The following GRK4 variants were observed in gnomAD, a reference collection of about 807,000 sequenced individuals.
GRK4 encodes G protein-coupled receptor kinase 2-like.
A neutral mutation model predicts 77.9 loss-of-function variants in GRK4; 73 were observed. The ratio of observed to expected loss-of-function variants is 0.94; its 90% confidence interval spans 0.78 to 1.14. The LOEUF (loss-of-function observed/expected upper bound fraction) is 1.14, where lower values mean the gene tolerates loss of function less well. Among genes scored for constraint, GRK4 ranks in the 50% most tolerant of loss-of-function variants. The probability of loss-of-function intolerance (pLI) is 0.00; values close to 1 mark genes in which losing one functional copy is unlikely to be tolerated. For missense variants in GRK4, 729 were observed against 700.2 expected, an observed-to-expected ratio of 1.04 and a Z score of -0.46; for synonymous variants, 257 against 254.4, an observed-to-expected ratio of 1.01 and a Z score of -0.10.
chr4:3,016,890 T>C (rs934849846), intron 8 of GRK4, among the ~76,000 whole-genome samples: 3 of 152,218 alleles, frequency 2.0e-5, no homozygotes, highest in Non-Finnish European at 2.9e-5. Context: ...AGAGACATTT[T>C]TCTCCTTCCC....
chr4:2,969,236 T>TA (rs1718709489), intron 1 of GRK4: 1 of 152,170 alleles, frequency 6.6e-6, no homozygotes, highest in Admixed American at 6.6e-5. Flanking sequence ...CTGAGGAAAT[T>TA]AAAAGACTGC....
At position 3,037,271 on chromosome 4, in the gene GRK4, C is replaced by T. The variant is rs531346989; in HGVS notation, c.1408-103C>T. 5.2e-5 allele frequency: 57 copies of T among 1,095,270 alleles called. No homozygotes were observed. The South Asian group carries it at 8.2e-4, about 16-fold the overall frequency. The allele number at this position is 1,095,270 out of a possible 1,614,324, so 67.8% of individuals were successfully genotyped here. The stretch of plus-strand genomic sequence containing the variant: ...AAAAGAATGGAGACAGGGAGAGTGG[C>T]GGTGTTTATGCGTCAGTTTGCTGGG... On this transcript the variant is annotated intron_variant, in intron 13 of 15. Coordinates refer to ENST00000398052, the MANE Select transcript of GRK4 (RefSeq NM_182982.3).
At chr4:3,022,341 G>A in intron 9 of GRK4, 73 bp from the exon 10 acceptor site, 1 of 1,469,610 alleles carries the variant, frequency 6.8e-7, no homozygotes. Flanking sequence ...CACGCTGGTT[G>A]TTCCTACTGG....
chr4:3,018,810 C>T (rs1326644211), intron 8 of GRK4, among the ~76,000 whole-genome samples: 2 of 151,988 alleles, frequency 1.3e-5, no homozygotes, highest in Non-Finnish European at 2.9e-5. Context: ...ACCTGGGAGA[C>T]AGAGGTTGCA....
chr4:2,969,379 C>CTTTACT (rs1718766890), intron 1 of GRK4: 2 of 139,008 alleles, frequency 1.4e-5, no homozygotes, highest in African/African-American at 5.4e-5. Flanking sequence ...TCTTTCTTTT[C>CTTTACT]TTTTTTTTTT....
At chr4:2,968,596 A>G (rs1016209762) in intron 1 of GRK4, among the ~76,000 whole-genome samples, 1 of 152,168 alleles carries the variant, frequency 6.6e-6, no homozygotes, top group African/African-American at 2.4e-5. Flanking sequence ...TCCTATAGCA[A>G]TAAACAACAT....
At chr4:3,008,906 G>GC (rs202047958) in intron 6 of GRK4, among the ~76,000 whole-genome samples, 224 of 152,172 alleles carry the variant, frequency 1.5e-3, no homozygotes, top group African/African-American at 5.0e-3. Context: ...TGTTTTTGAG[G>GC]CGCTGGGTAT....
intron 1 of GRK4, among the ~76,000 whole-genome samples, chr4:2,968,229 CTT>C (rs1718381085): frequency 6.6e-6 from 1 of 152,026 alleles, no homozygotes; most frequent in Non-Finnish European, 1.5e-5. Flanking sequence ...CGTCTTATCT[CTT>C]GGAGAAATTG....
chr4:3,040,432 CTA>C (rs1742078396), intron 15 of GRK4, 138 bp from the exon 16 acceptor site: 1 of 612,008 alleles, frequency 1.6e-6, no homozygotes, highest in African/African-American at 1.9e-5. Flanking sequence ...CAGAGTGAGA[CTA>C]TGTCTCAAAA....
intron 8 of GRK4, among the ~76,000 whole-genome samples, chr4:3,018,739 G>A (rs187328697): frequency 1.1e-3 from 160 of 152,156 alleles, no homozygotes; most frequent in African/African-American, 3.7e-3. Flanking sequence ...TTAGCCGGGC[G>A]TGGTGACAGG....
At chr4:2,999,889 G>T (rs1210297157) in intron 4 of GRK4, among the ~76,000 whole-genome samples, 1 of 151,898 alleles carries the variant, frequency 6.6e-6, no homozygotes, top group Non-Finnish European at 1.5e-5. Flanking sequence ...TACTGGTAAG[G>T]GTCTAGTATC....
At chr4:3,028,076 C>A in intron 11 of GRK4, 75 bp downstream of exon 11, 1 of 1,286,862 alleles carries the variant, frequency 7.8e-7, no homozygotes, top group Non-Finnish European at 1.1e-6. Flanking sequence ...GAGAAATCCA[C>A]CCTGAATGGA....
chr4:3,019,863 A>C (rs1218650118), intron 9 of GRK4, 32 bp downstream of exon 9: 1 of 1,576,376 alleles, frequency 6.3e-7, no homozygotes, highest in African/African-American at 1.4e-5. Flanking sequence ...GGAGCCTGCA[A>C]GTCTTGGAGC....
intron 1 of GRK4, among the ~76,000 whole-genome samples, chr4:2,973,735 CT>C (rs1356638755): frequency 1.3e-5 from 2 of 152,196 alleles, no homozygotes; most frequent in Admixed American, 6.5e-5. Flanking sequence ...CAGCTTCTGC[CT>C]TTTCCCCCTG....
chr4:3,007,696 A>G (rs767047321), intron 5 of GRK4, 40 bp from the exon 6 acceptor site: 3 of 1,296,338 alleles, frequency 2.3e-6, no homozygotes, highest in South Asian at 1.3e-5. Context: ...TTATTTCTTA[A>G]TACAACAAAT....
At position 3,012,088 on chromosome 4, in the gene GRK4, C is replaced by T. The variant is rs139606143; in HGVS notation, c.601-1600C>T. ...GAGTGTTCACACCCAGCTCTCAGCA[C>T]AGTGCCTGGCACTCTTGTCTGCTTT... On this transcript the variant is annotated intron_variant, in intron 7 of 15. Coordinates refer to ENST00000398052, the MANE Select transcript of GRK4 (RefSeq NM_182982.3). Among the ~76,000 whole-genome samples, 105 of 152,368 alleles carry T rather than the reference C, an allele frequency of 6.9e-4. 2 individuals carry two copies. The East Asian group carries it at 0.016, about 24-fold the overall frequency.
chr4:2,981,415 A>G (rs1299293983), intron 1 of GRK4, among the ~76,000 whole-genome samples: 2 of 152,196 alleles, frequency 1.3e-5, no homozygotes, highest in African/African-American at 4.8e-5. Context: ...AGGAGACCCA[A>G]AATGGGTAGC....
At position 3,038,444 on chromosome 4, in the gene GRK4, A is replaced by G. The variant is rs1295458152; in HGVS notation, c.1614A>G (p.Leu538=). Residue 538 remains leucine, a synonymous_variant, in exon 15 of 16, where the codon CTA becomes CTG. Transcript: ENST00000398052. ...SESEEALPLD[L]DKNIHTPVSR... ...GTGAGGAAGCTTTGCCATTAGATCT[A>G]GACAAGAACATACATACCCCGGTTT... The G allele has an allele frequency of 6.2e-7, 1 of 1,614,184 alleles. No homozygotes were observed.
chr4:2,975,386 A>C (rs913927979), intron 1 of GRK4, among the ~76,000 whole-genome samples: 1 of 152,122 alleles, frequency 6.6e-6, no homozygotes, highest in African/African-American at 2.4e-5. Flanking sequence ...TACATAAAGA[A>C]CCAAATGATC....
Sources: allele counts gnomAD v4.1 joint callset (sites outside exome capture counted in the v4.1 genomes callset), GRCh38; gene constraint gnomAD v4.1.1; transcripts MANE v1.5; gene names NCBI Gene and HGNC (gene_info 2026-07-23, HGNC 2026-07-21).